Variants in NCAM2 observed in about 807,000 individuals in gnomAD.
The protein encoded by NCAM2 is N-CAM-2.
A neutral mutation model predicts 98.1 loss-of-function variants in NCAM2; 30 were observed. The ratio of observed to expected loss-of-function variants is 0.31; its 90% CI spans 0.23 to 0.41. NCAM2 has a LOEUF of 0.41. NCAM2 is among the 10% of genes least tolerant of loss of function. NCAM2 has a pLI of 1.00. For synonymous variants in NCAM2, 368 were observed against 342.4 expected (o/e 1.07, Z -0.83); for missense variants, 867 against 1,005.8 (o/e 0.86, Z 1.87).
At chr21:20,999,352 T>TA (rs573704807) in intron 1 of NCAM2, among the ~76,000 whole-genome samples, 292 of 146,144 alleles carry the variant, frequency 2.0e-3, no homozygotes, top group African/African-American at 3.1e-3. Flanking sequence ...TTTTATCTCT[T>TA]AAAAAAAAAA....
chr21:21,167,923 T>C (rs1377866157), intron 1 of NCAM2, among the ~76,000 whole-genome samples: 2 of 152,072 alleles, frequency 1.3e-5, no homozygotes, highest in African/African-American at 4.8e-5. Context: ...TTTCAAAGTA[T>C]AGAAGCAGAG....
chr21:21,135,452 C>T (rs555449628), intron 1 of NCAM2, among the ~76,000 whole-genome samples: 4 of 152,162 alleles, frequency 2.6e-5, no homozygotes, highest in African/African-American at 7.2e-5. Flanking sequence ...TAATATTATT[C>T]GAGTTTTTGC....
chr21:21,241,225 G>A (rs963793968), intron 1 of NCAM2, among the ~76,000 whole-genome samples: 3 of 151,814 alleles, frequency 2.0e-5, no homozygotes, highest in East Asian at 1.9e-4. Flanking sequence ...ACAAAAAAAT[G>A]GCTTTTTAAA....
intron 5 of NCAM2, among the ~76,000 whole-genome samples, chr21:21,316,839 C>T (rs1191922367): frequency 1.3e-5 from 2 of 152,066 alleles, no homozygotes; most frequent in African/African-American, 4.8e-5. Flanking sequence ...CCACCGCGCC[C>T]GGCCATATTT....
At chr21:21,225,127 AAC>A (rs1033978922) in intron 1 of NCAM2, among the ~76,000 whole-genome samples, 2 of 152,082 alleles carry the variant, frequency 1.3e-5, no homozygotes, top group African/African-American at 4.8e-5. Flanking sequence ...TGAAGCTGGA[AAC>A]CATCATCCTC....
At chr21:21,078,576 A>T (rs1325608183) in intron 1 of NCAM2, among the ~76,000 whole-genome samples, 1 of 152,226 alleles carries the variant, frequency 6.6e-6, no homozygotes, top group Admixed American at 6.5e-5. Flanking sequence ...GAACGCTTTT[A>T]CACTGTTGGT....
At chr21:21,307,451 G>A (rs2073918599) in intron 5 of NCAM2, among the ~76,000 whole-genome samples, 1 of 152,036 alleles carries the variant, frequency 6.6e-6, no homozygotes, top group South Asian at 2.1e-4. Flanking sequence ...AACAAATTTT[G>A]TGGCTCAAAA....
At chr21:21,507,106 T>G (rs1988028157) in intron 15 of NCAM2, among the ~76,000 whole-genome samples, 1 of 151,552 alleles carries the variant, frequency 6.6e-6, no homozygotes, top group South Asian at 2.1e-4. Flanking sequence ...AAACCTATTT[T>G]TTGAAAAAAA....
At chr21:21,074,665 C>T (rs144512227) in intron 1 of NCAM2, among the ~76,000 whole-genome samples, 244 of 152,218 alleles carry the variant, frequency 1.6e-3, no homozygotes, top group Middle Eastern at 3.4e-3. Context: ...GTTTTGCTTC[C>T]GCAGAATCTA....
At chr21:21,527,890 G>A (rs773772250) in intron 16 of NCAM2, among the ~76,000 whole-genome samples, 3 of 152,130 alleles carry the variant, frequency 2.0e-5, no homozygotes, top group Admixed American at 1.3e-4. Context: ...CACCAAAACC[G>A]CACACTGATG....
intron 1 of NCAM2, among the ~76,000 whole-genome samples, chr21:21,009,694 C>T (rs2064171793): frequency 6.6e-6 from 1 of 151,792 alleles, no homozygotes; most frequent in Non-Finnish European, 1.5e-5. Flanking sequence ...AGATAATCCC[C>T]CATAGTTAAT....
At chr21:21,309,616 G>A (rs902557128) in intron 5 of NCAM2, among the ~76,000 whole-genome samples, 1 of 152,058 alleles carries the variant, frequency 6.6e-6, no homozygotes, top group East Asian at 1.9e-4. Flanking sequence ...TCATCTGGAG[G>A]CTCCAGGGTT....
chr21:21,253,538 A>G (rs896543979), intron 1 of NCAM2, among the ~76,000 whole-genome samples: 1 of 152,150 alleles, frequency 6.6e-6, no homozygotes, highest in Admixed American at 6.6e-5. Flanking sequence ...GGCTCCATCA[A>G]TGAACCAGAA....
rs1602593642 is a variant in NCAM2, at chr21:21,541,638, A to C, written c.*3681A>C. On this transcript the variant is annotated 3_prime_UTR_variant, in exon 18 of 18. Transcript: ENST00000400546. ...TATTTTTTATTTCGAATAATAAATC[A>C]ACCTTTATTTTTGGCAATAAGATTA... The C allele has an allele frequency of 4.7e-5, 7 of 150,466 alleles. 1 individual carries two copies. In the South Asian group the frequency reaches 1.5e-3, roughly 31 times the overall value. The allele number at this position is 150,466 out of a possible 1,614,324, so 9.3% of individuals were successfully genotyped here.
intron 1 of NCAM2, among the ~76,000 whole-genome samples, chr21:21,230,441 A>G (rs1430887812): frequency 6.6e-6 from 1 of 151,344 alleles, no homozygotes; most frequent in Non-Finnish European, 1.5e-5. Flanking sequence ...ATGTGATTTT[A>G]CTGGACCATG....
intron 1 of NCAM2, among the ~76,000 whole-genome samples, chr21:21,152,387 T>A (rs560784890): frequency 3.3e-4 from 50 of 150,294 alleles, no homozygotes; most frequent in African/African-American, 1.2e-3. Flanking sequence ...TGTGGATATA[T>A]TTTCTCCTGC....
chr21:21,168,063 A>T (rs1199853203), intron 1 of NCAM2, among the ~76,000 whole-genome samples: 1 of 152,144 alleles, frequency 6.6e-6, no homozygotes, highest in Admixed American at 6.5e-5. Context: ...TCAACAAAAT[A>T]TTAGCAAATA....
intron 6 of NCAM2, among the ~76,000 whole-genome samples, chr21:21,328,746 A>T (rs9636692): frequency 0.091 from 13,833 of 151,932 alleles, 1,050 homozygotes; most frequent in East Asian, 0.3. Flanking sequence ...TATAAAGTAA[A>T]AAAAGCTAAG....
At chr21:21,134,059 C>A (rs1037464128) in intron 1 of NCAM2, among the ~76,000 whole-genome samples, 3 of 104,218 alleles carry the variant, frequency 2.9e-5, no homozygotes, top group African/African-American at 7.4e-5. Flanking sequence ...GGTGGCACTT[C>A]CTCTCTTTTT....
Sources: allele counts gnomAD v4.1 joint callset (sites outside exome capture counted in the v4.1 genomes callset), GRCh38; gene constraint gnomAD v4.1.1; transcripts MANE v1.5; gene names NCBI Gene and HGNC (gene_info 2026-07-23, HGNC 2026-07-21).